Variants in SOX5 observed in about 807,000 individuals in gnomAD.
SOX5 encodes the protein transcription factor SOX-5.
In SOX5, 9 loss-of-function variants were observed where a neutral mutation model predicts 92.0. That is an observed-to-expected ratio of 0.10 (90% CI 0.06 to 0.17). The LOEUF is 0.17. Ranked by LOEUF, SOX5 falls within the 10% of genes least tolerant of loss-of-function variation. The pLI, the probability that SOX5 is intolerant of heterozygous loss-of-function variation, is 1.00. For missense variants in SOX5, 642 were observed against 944.5 expected, an observed-to-expected ratio of 0.68 and a Z score of 4.20; for synonymous variants, 344 against 336.3, an observed-to-expected ratio of 1.02 and a Z score of -0.25.
intron 11 of SOX5, among the ~76,000 whole-genome samples, chr12:23,551,312 A>AT (rs1433028885): frequency 6.6e-6 from 1 of 151,886 alleles, no homozygotes; most frequent in Non-Finnish European, 1.5e-5. Flanking sequence ...TCAGTTGGAG[A>AT]TTTTTTTCAT....
At chr12:23,619,324 G>A (rs2076917492) in intron 8 of SOX5, among the ~76,000 whole-genome samples, 1 of 152,232 alleles carries the variant, frequency 6.6e-6, no homozygotes, top group East Asian at 1.9e-4. Context: ...CTTACTGTGA[G>A]ACATGTCCAT....
chr12:24,469,457 T>C (rs1245355787), intron 1 of SOX5, among the ~76,000 whole-genome samples: 1 of 152,222 alleles, frequency 6.6e-6, no homozygotes, highest in African/African-American at 2.4e-5. Flanking sequence ...TCTACAGCTC[T>C]TTATTTACGG....
At chr12:23,592,022 T>TA (rs982760219) in intron 9 of SOX5, among the ~76,000 whole-genome samples, 70 of 151,048 alleles carry the variant, frequency 4.6e-4, no homozygotes, top group Admixed American at 1.4e-3. Context: ...TATAATAAAG[T>TA]AAAAAAAAAT....
intron 4 of SOX5, among the ~76,000 whole-genome samples, chr12:24,065,320 G>A (rs1940482645): frequency 6.6e-6 from 1 of 152,188 alleles, no homozygotes; most frequent in Admixed American, 6.5e-5. Context: ...ATATGGAACA[G>A]AGTAAAGGTT....
At chr12:24,011,687 C>T (rs1738266537) in intron 4 of SOX5, among the ~76,000 whole-genome samples, 1 of 152,088 alleles carries the variant, frequency 6.6e-6, no homozygotes, top group African/African-American at 2.4e-5. Flanking sequence ...CACCTTAACA[C>T]TGGAGACACA....
intron 3 of SOX5, among the ~76,000 whole-genome samples, chr12:23,801,173 C>A (rs569104193): frequency 4.6e-5 from 7 of 152,238 alleles, no homozygotes; most frequent in African/African-American, 1.7e-4. Context: ...ACAGCATTAA[C>A]AGCAAAATCC....
intron 4 of SOX5, among the ~76,000 whole-genome samples, chr12:24,096,036 G>C (rs1945368193): frequency 6.6e-6 from 1 of 152,126 alleles, no homozygotes; most frequent in Non-Finnish European, 1.5e-5. Flanking sequence ...TTATTGATTA[G>C]CACTGAACTG....
At chr12:24,534,269 T>G (rs1283102786) in intron 1 of SOX5, among the ~76,000 whole-genome samples, 1 of 151,816 alleles carries the variant, frequency 6.6e-6, no homozygotes, top group African/African-American at 2.4e-5. Context: ...GCTTTTTTTT[T>G]TTTCGGGGAG....
chr12:24,252,303 C>G (rs567507191), intron 3 of SOX5, among the ~76,000 whole-genome samples: 43 of 152,114 alleles, frequency 2.8e-4, no homozygotes, highest in African/African-American at 1.0e-3. Flanking sequence ...CAAAGACCTA[C>G]GAAATTTTAC....
intron 2 of SOX5, chr12:24,277,446 TTATATATA>T (rs146511822): frequency 1.0e-5 from 1 of 99,478 alleles, no homozygotes; most frequent in Non-Finnish European, 2.3e-5. Flanking sequence ...TGATAAACCA[TTATATATA>T]TGTAAATTTA....
chr12:23,576,848 GTTTA>G (rs1949193654), intron 9 of SOX5, among the ~76,000 whole-genome samples: 2 of 151,678 alleles, frequency 1.3e-5, no homozygotes, highest in Non-Finnish European at 2.9e-5. Flanking sequence ...CTTACCACTT[GTTTA>G]TTTATCAACG....
chr12:23,975,348 A>T (rs7297781), intron 4 of SOX5, among the ~76,000 whole-genome samples: 102,319 of 150,116 alleles, frequency 0.68, 34,637 homozygotes, highest in East Asian at 0.77. Flanking sequence ...TACTTTTTTT[A>T]AAAAAAAAAA....
intron 1 of SOX5, among the ~76,000 whole-genome samples, chr12:23,939,748 C>G (rs1421454208): frequency 6.6e-6 from 1 of 150,858 alleles, no homozygotes; most frequent in Non-Finnish European, 1.5e-5. Context: ...CTCGATACAG[C>G]TTTTTAAATG....
chr12:24,191,992 T>A (rs1178565870), intron 4 of SOX5, among the ~76,000 whole-genome samples: 1 of 152,202 alleles, frequency 6.6e-6, no homozygotes, highest in Non-Finnish European at 1.5e-5. Context: ...GTAAAACCAA[T>A]ATGATGAAAG....
chr12:24,208,870 G>A (rs779048000), intron 4 of SOX5, among the ~76,000 whole-genome samples: 6 of 152,168 alleles, frequency 3.9e-5, no homozygotes, highest in Non-Finnish European at 8.8e-5. Flanking sequence ...ATGAAACTGA[G>A]GATGAAATAA....
At chr12:24,040,237 T>C (rs180710307) in intron 4 of SOX5, among the ~76,000 whole-genome samples, 1 of 152,272 alleles carries the variant, frequency 6.6e-6, no homozygotes, top group Non-Finnish European at 1.5e-5. Flanking sequence ...AATTCAGTAT[T>C]GAAAATATCT....
chr12:24,427,824 C>G, intron 1 of SOX5, among the ~76,000 whole-genome samples: 1 of 152,118 alleles, frequency 6.6e-6, no homozygotes, highest in Non-Finnish European at 1.5e-5. Context: ...TCCTCCTTTC[C>G]CCATCTCAAG....
At chr12:24,478,526 G>A (rs1945629615) in intron 1 of SOX5, among the ~76,000 whole-genome samples, 1 of 152,118 alleles carries the variant, frequency 6.6e-6, no homozygotes, top group African/African-American at 2.4e-5. Flanking sequence ...TGGGATGAGG[G>A]CCAATCCCTC....
intron 2 of SOX5, among the ~76,000 whole-genome samples, chr12:24,348,128 C>T (rs560070203): frequency 5.3e-5 from 8 of 149,800 alleles, no homozygotes; most frequent in African/African-American, 1.5e-4. Context: ...AGTCTTTGTG[C>T]AATGAGAGAT....
Sources: gnomAD v4.1 joint callset for allele counts (sites outside exome capture counted in the v4.1 genomes callset) on GRCh38, gnomAD v4.1.1 for gene constraint, MANE v1.5 for transcripts, NCBI Gene and HGNC (gene_info 2026-07-23, HGNC 2026-07-21) for gene names.